The following CPEB1 variants were observed in gnomAD, a reference collection of about 807,000 sequenced individuals.
CPEB1 encodes cytoplasmic polyadenylation element-binding protein 1.
CPEB1 carries 7 observed loss-of-function variants against 65.8 expected under a neutral mutation model. That is an observed-to-expected ratio of 0.11 (90% confidence interval 0.06 to 0.20). The LOEUF is 0.20. Among genes scored for constraint, CPEB1 ranks in the 10% least tolerant of loss-of-function variants. CPEB1 has a pLI of 1.00. For missense variants in CPEB1, 551 were observed against 712.2 expected (o/e 0.77, Z 2.58); for synonymous variants, 262 against 260.0 (o/e 1.01, Z -0.08).
At chr15:82,598,017 A>G (rs2042794684) in intron 3 of CPEB1, among the ~76,000 whole-genome samples, 1 of 152,168 alleles carries the variant, frequency 6.6e-6, no homozygotes, top group Non-Finnish European at 1.5e-5. Context: ...CTACTACTTC[A>G]CCTGTGAACC....
In CPEB1 at chr15:82,611,703, T is replaced by G. The variant is rs143372040; in HGVS notation, c.271+15490A>C. ...TCACTTGAGCCCAAGAAATCACGTC[T>G]CAAAAAAAAGAAAACCCCAAAAAAC... On this transcript the variant is annotated intron_variant, in intron 3 of 12. Transcript: ENST00000684509. Among the ~76,000 whole-genome samples the G allele has an allele frequency of 1.3e-3, 201 of 150,956 alleles. 1 individual carries two copies. The highest frequency in any genetic ancestry group is 4.3e-3 in the African/African-American group (177 of 41,068).
chr15:82,598,815 C>T (rs2042876394), intron 3 of CPEB1, among the ~76,000 whole-genome samples: 1 of 151,924 alleles, frequency 6.6e-6, no homozygotes, highest in Non-Finnish European at 1.5e-5. Context: ...AAACCAAAGG[C>T]CATTTAAAAA....
intron 1 of CPEB1, among the ~76,000 whole-genome samples, chr15:82,632,126 C>A (rs910474043): frequency 6.6e-6 from 1 of 151,448 alleles, no homozygotes; most frequent in East Asian, 1.9e-4. Context: ...GGACTACATA[C>A]GCCCGCCACC....
At chr15:82,545,929 G>T (rs1025098085) in intron 12 of CPEB1, among the ~76,000 whole-genome samples, 4 of 152,092 alleles carry the variant, frequency 2.6e-5, no homozygotes, top group African/African-American at 9.7e-5. Flanking sequence ...AATATCCCAG[G>T]CAAGAAAAAG....
At position 82,627,231 on chromosome 15, in the gene CPEB1, G is replaced by A. The variant is rs1225676826; in HGVS notation, c.233C>T (p.Thr78Ile). The change falls in exon 3 of 13, where the codon ACT becomes ATT. Residue 78 changes from threonine to isoleucine, a missense_variant. This residue lies in a region of CPEB1 where 223 missense variants were observed against 228.6 expected (regional missense o/e 0.98). Coordinates refer to ENST00000684509, the MANE Select transcript of CPEB1 (RefSeq NM_001365242.1). ...DNSLDFSRVC[T>I]TPINRGIHDH... ...ATGAATTCCTCGGTTTATAGGTGTA[G>A]TGCAGACTCTACTGAAATCCAGAGA... 5 of 1,613,352 alleles carry A rather than the reference G, an allele frequency of 3.1e-6. No homozygotes were observed. Among genetic ancestry groups the A allele is most frequent in the Non-Finnish European group, 3.4e-6 (4 of 1,179,758 alleles).
intron 3 of CPEB1, among the ~76,000 whole-genome samples, chr15:82,616,752 A>C (rs9630495): frequency 0.043 from 6,612 of 152,178 alleles, 464 homozygotes; most frequent in African/African-American, 0.14. Flanking sequence ...CATGTTGGCC[A>C]GGCTGGTTAA....
intron 7 of CPEB1, 100 bp from the exon 8 acceptor site, chr15:82,553,656 C>T: frequency 1.1e-6 from 1 of 922,592 alleles, no homozygotes. Context: ...TGGCTCATCC[C>T]CACTGACAAA....
intron 3 of CPEB1, among the ~76,000 whole-genome samples, chr15:82,575,551 T>C (rs2151073749): frequency 6.6e-6 from 1 of 152,120 alleles, no homozygotes; most frequent in Admixed American, 6.5e-5. Flanking sequence ...TGTGAGAAAA[T>C]ACCCACAACC....
rs374422926 is a variant in CPEB1, at chr15:82,571,478, G to A, written c.326C>T (p.Ala109Val). The A allele has an allele frequency of 7.0e-5, 113 of 1,614,172 alleles. No individual in the cohort carries two copies. The highest frequency in any genetic ancestry group is 1.2e-4 in the South Asian group (11 of 91,086). ...TGGGAGGCCACGGGAAGATTCTTGC[G>A]CAGAGGTTGGGAAAAGCATCCTGCT... Reference protein sequence around the residue: ...VTSRMLFPTSAQESSRGLPDA... With the variant: ...VTSRMLFPTSVQESSRGLPDA... The change falls in exon 4 of 13, where the codon GCG (alanine) becomes GTG (valine). Residue 109 changes from alanine to valine, a missense_variant. Coordinates refer to ENST00000684509, the MANE Select transcript of CPEB1 (RefSeq NM_001365242.1).
chr15:82,614,918 G>T (rs1013061597), intron 3 of CPEB1, among the ~76,000 whole-genome samples: 4 of 151,330 alleles, frequency 2.6e-5, no homozygotes, highest in Non-Finnish European at 4.4e-5. Flanking sequence ...TCTCACAACT[G>T]CATCTTTATA....
intron 2 of CPEB1, 52 bp from the exon 3 acceptor site, chr15:82,627,419 C>T (rs1444649734): frequency 5.2e-6 from 7 of 1,355,324 alleles, no homozygotes; most frequent in Non-Finnish European, 7.0e-6. Context: ...CTTTATGACC[C>T]CCTTTCTCTC....
chr15:82,550,521 G>C (rs1282455117), intron 9 of CPEB1, among the ~76,000 whole-genome samples: 1 of 152,220 alleles, frequency 6.6e-6, no homozygotes, highest in Non-Finnish European at 1.5e-5. Flanking sequence ...AAGCAAGGAA[G>C]AATCAGGCCT....
intron 4 of CPEB1, among the ~76,000 whole-genome samples, chr15:82,569,916 G>A (rs777387675): frequency 6.6e-6 from 1 of 152,118 alleles, no homozygotes; most frequent in Non-Finnish European, 1.5e-5. Flanking sequence ...CAAGGTTGGC[G>A]TCAAGAACAC....
rs188465995 is a variant in CPEB1, at chr15:82,629,987, G to A, written c.-97-1431C>T. ...CAAGGTTGTTTTCCCAAGCTCTCTA[G>A]AGTGGTGCCATTGAGAACTGTTAAA... On this transcript the variant is annotated intron_variant, in intron 1 of 12. Transcript: ENST00000684509. 6.1e-6 allele frequency: 6 copies of A among 985,442 alleles called. No individual in the cohort carries two copies. In the East Asian group the frequency reaches 6.8e-4, roughly 112 times the overall value. The allele number at this position is 985,442 out of a possible 1,614,324, so 61.0% of individuals were successfully genotyped here.
intron 3 of CPEB1, among the ~76,000 whole-genome samples, chr15:82,597,958 T>C (rs373879536): frequency 5.6e-4 from 85 of 152,308 alleles, no homozygotes; most frequent in African/African-American, 1.8e-3. Flanking sequence ...TATAGGACTA[T>C]TGACAATGAC....
intron 3 of CPEB1, among the ~76,000 whole-genome samples, chr15:82,573,779 T>C (rs766215978): frequency 3.9e-5 from 6 of 152,152 alleles, no homozygotes; most frequent in Admixed American, 2.0e-4. Flanking sequence ...AATTGAGATC[T>C]GCATTTTAAC....
upstream of CPEB1, chr15:82,648,734 C>G (rs2047766333): frequency 1.3e-5 from 2 of 152,318 alleles, no homozygotes; most frequent in African/African-American, 4.8e-5. Context: ...AGAGGGAGGA[C>G]GGCACCGAGC....
At chr15:82,634,689 CTA>C (rs2046517638) in intron 1 of CPEB1, among the ~76,000 whole-genome samples, 1 of 152,134 alleles carries the variant, frequency 6.6e-6, no homozygotes, top group Non-Finnish European at 1.5e-5. Context: ...TGTGTTCACA[CTA>C]AAAATTTTTC....
intron 10 of CPEB1, among the ~76,000 whole-genome samples, chr15:82,548,065 G>A (rs185746377): frequency 3.4e-4 from 51 of 152,234 alleles, no homozygotes; most frequent in African/African-American, 8.7e-4. Flanking sequence ...GGCCGGGCAC[G>A]GTGGCTCACA....
Sources: allele counts gnomAD v4.1 joint callset (sites outside exome capture counted in the v4.1 genomes callset), GRCh38; gene constraint gnomAD v4.1.1; regional missense constraint gnomAD v4.1.1; transcripts MANE v1.5; gene names NCBI Gene and HGNC (gene_info 2026-07-23, HGNC 2026-07-21).